Variants in PTK7 observed in about 807,000 individuals in gnomAD.
PTK7 encodes the protein inactive tyrosine-protein kinase 7.
A neutral mutation model predicts 116.6 loss-of-function variants in PTK7; 39 were observed. That is an observed-to-expected ratio of 0.33 (90% confidence interval 0.26 to 0.44). The LOEUF (loss-of-function observed/expected upper bound fraction) is 0.44, where lower values mean the gene tolerates loss of function less well. Among genes scored for constraint, PTK7 ranks in the 20% least tolerant of loss-of-function variants. The probability of loss-of-function intolerance (pLI) is 1.00; values close to 1 mark genes in which losing one functional copy is unlikely to be tolerated. For missense variants in PTK7, 1,169 were observed against 1,425.6 expected (o/e 0.82, Z 2.90); for synonymous variants, 546 against 563.6 (o/e 0.97, Z 0.44).
At chr6:43,107,719 C>CCAGG (rs139873572) in intron 1 of PTK7, among the ~76,000 whole-genome samples, 166 of 152,316 alleles carry the variant, frequency 1.1e-3, no homozygotes, top group African/African-American at 3.5e-3. Context: ...TAATTGCCTA[C>CCAGG]CAGGATCCCA....
At chr6:43,080,211 G>T (rs1344881538) in intron 1 of PTK7, among the ~76,000 whole-genome samples, 1 of 151,964 alleles carries the variant, frequency 6.6e-6, no homozygotes, top group Non-Finnish European at 1.5e-5. Flanking sequence ...AATTAGCCAG[G>T]CGTGGTGGCA....
intron 1 of PTK7, among the ~76,000 whole-genome samples, chr6:43,097,020 T>G (rs1256837533): frequency 1.6e-5 from 1 of 63,098 alleles, no homozygotes; most frequent in Non-Finnish European, 3.2e-5. Context: ...GCCTTGGGCA[T>G]AGGCCAGCTA....
chr6:43,112,940 C>T (rs1768272850), intron 1 of PTK7, among the ~76,000 whole-genome samples: 1 of 152,136 alleles, frequency 6.6e-6, no homozygotes, highest in African/African-American at 2.4e-5. Flanking sequence ...GTGATCCTCT[C>T]GCCTCAGCCT....
intron 1 of PTK7, among the ~76,000 whole-genome samples, chr6:43,080,619 G>T (rs1766323003): frequency 6.6e-6 from 1 of 152,016 alleles, no homozygotes; most frequent in African/African-American, 2.4e-5. Context: ...TCTATAAAGG[G>T]ACATCCTAGA....
chr6:43,079,533 C>T (rs1407748798), intron 1 of PTK7, among the ~76,000 whole-genome samples: 1 of 151,788 alleles, frequency 6.6e-6, no homozygotes, highest in African/African-American at 2.4e-5. Context: ...GTGCTCAAGT[C>T]TCTTATATAA....
rs1770284295 is a variant in PTK7 at position 43,139,890 on chromosome 6, G to A, written c.1618+365G>A. Among the ~76,000 whole-genome samples, 1 of 152,146 alleles carries A rather than the reference G, an allele frequency of 6.6e-6. No individual in the cohort carries two copies. The highest frequency in any genetic ancestry group is 1.5e-5 in the Non-Finnish European group (1 of 68,028). On this transcript the variant is annotated intron_variant, in intron 10 of 19. Coordinates refer to ENST00000230419, the MANE Select transcript of PTK7 (RefSeq NM_002821.5). This position sits in a 1 kb window ranked among gnomAD's most constrained non-coding sequence, Gnocchi z 4.6. ...ACACTTTGGGAAGCCGAGATGGGTG[G>A]GTCACTTGAGGCCAGGAGTTTGAGA...
intron 1 of PTK7, among the ~76,000 whole-genome samples, chr6:43,110,551 A>G (rs1768143357): frequency 6.6e-6 from 1 of 151,986 alleles, no homozygotes; most frequent in Non-Finnish European, 1.5e-5. Context: ...AGCTGGGATT[A>G]CAGGCATGTG....
At position 43,143,748 on chromosome 6, in the gene PTK7, G is replaced by T; in HGVS notation, c.2251+128G>T. 9.9e-7 allele frequency: 1 copy of T among 1,007,470 alleles called. No homozygotes were observed. The allele number at this position is 1,007,470 out of a possible 1,614,324, so 62.4% of individuals were successfully genotyped here. On this transcript the variant is annotated intron_variant, in intron 14 of 19. Coordinates refer to ENST00000230419, the MANE Select transcript of PTK7 (RefSeq NM_002821.5). The surrounding 1 kb of genome is among the most constrained non-coding windows in gnomAD (Gnocchi z 4.2). ...GTTGCTGGGTCCTGGAGCTGGGACT[G>T]CCCCACCCCTAGCGGGAAGCCTGGA...
intron 13 of PTK7, chr6:43,142,516 TG>T: frequency 3.9e-6 from 3 of 763,576 alleles, no homozygotes; most frequent in Non-Finnish European, 6.7e-6. Flanking sequence ...TGTGTGTGTG[TG>T]TGTTGTGGGG....
At chr6:43,090,640 C>A (rs1766894712) in intron 1 of PTK7, among the ~76,000 whole-genome samples, 1 of 152,146 alleles carries the variant, frequency 6.6e-6, no homozygotes, top group Non-Finnish European at 1.5e-5. Flanking sequence ...CCTCCTGCTC[C>A]CCCAGGAAGT....
At chr6:43,082,726 T>G (rs1194283871) in intron 1 of PTK7, among the ~76,000 whole-genome samples, 1 of 152,236 alleles carries the variant, frequency 6.6e-6, no homozygotes, top group Non-Finnish European at 1.5e-5. Context: ...GAATTAGATT[T>G]TGTCAAGAAA....
rs3805943 is a variant in PTK7, at chr6:43,077,877, C to G, written c.79+1310C>G. On this transcript the variant is annotated intron_variant, in intron 1 of 19. Transcript: ENST00000230419. ...AATGTAACCCAGGAAAGAGACCAATCTCCAGGGATTTGGAGGAGGTGTTTC... is the reference window on the plus strand; with the variant it reads ...AATGTAACCCAGGAAAGAGACCAATGTCCAGGGATTTGGAGGAGGTGTTTC... Among the ~76,000 whole-genome samples the G allele has an allele frequency of 6.6e-5, 10 of 152,392 alleles. No individual in the cohort carries two copies. In the East Asian group the frequency reaches 1.7e-3, roughly 26 times the overall value.
intron 1 of PTK7, among the ~76,000 whole-genome samples, chr6:43,118,619 A>ACC (rs1768709173): frequency 6.8e-5 from 3 of 43,932 alleles, no homozygotes; most frequent in African/African-American, 2.5e-4. Context: ...GAATATTTTA[A>ACC]CCTCTCTCTC....
chr6:43,142,363 C>CTCAG (rs761896908), intron 13 of PTK7, 64 bp downstream of exon 13: 2 of 1,610,490 alleles, frequency 1.2e-6, no homozygotes, highest in African/African-American at 2.7e-5. Context: ...TCACCTTGTA[C>CTCAG]TCAGCCCCTG....
chr6:43,132,719 G>C (rs1582164564), intron 7 of PTK7, 32 bp downstream of exon 7: 1 of 1,552,424 alleles, frequency 6.4e-7, no homozygotes, highest in East Asian at 2.4e-5. Context: ...GTCAAGGAGA[G>C]GTGGAGGGGA....
At chr6:43,116,604 T>TTTTGTG (rs1768538200) in intron 1 of PTK7, among the ~76,000 whole-genome samples, 1 of 119,086 alleles carries the variant, frequency 8.4e-6, no homozygotes, top group Admixed American at 8.2e-5. Context: ...AAAAGCTGGT[T>TTTTGTG]TGTGTGTGTG....
At chr6:43,126,417 G>T (rs1024834714) in intron 1 of PTK7, among the ~76,000 whole-genome samples, 3 of 152,184 alleles carry the variant, frequency 2.0e-5, no homozygotes, top group Non-Finnish European at 4.4e-5. Flanking sequence ...GTCATGAGAG[G>T]TGCTCCAGAA....
chr6:43,152,083 G>A (rs1447892230), intron 17 of PTK7, among the ~76,000 whole-genome samples: 2 of 151,194 alleles, frequency 1.3e-5, no homozygotes, highest in Admixed American at 6.6e-5. Flanking sequence ...TCCTGACCTT[G>A]TGATCCACCC....
chr6:43,157,350 AT>A lies in PTK7; in HGVS notation c.2722-1466del, dbSNP rs1561990242. Among the ~76,000 whole-genome samples the A allele has an allele frequency of 2.6e-3, 14 of 5,454 alleles. 1 individual carries two copies. The highest frequency in any genetic ancestry group is 5.4e-3 in the African/African-American group (13 of 2,394). The allele number at this position is 5,454 out of a possible 152,430, so 3.6% of individuals were successfully genotyped here. A position where few individuals can be genotyped will look rare whatever the true frequency, so the allele number is the denominator to read the frequency against. ...GCTATATATATATATATATATATAT[AT>A]ATATATATATATATTTTTTTTTTTC... On this transcript the variant is annotated intron_variant, in intron 17 of 19. Coordinates refer to ENST00000230419, the MANE Select transcript of PTK7 (RefSeq NM_002821.5).
Sources: gnomAD v4.1 joint callset for allele counts (sites outside exome capture counted in the v4.1 genomes callset) on GRCh38, gnomAD v4.1.1 for gene constraint, Gnocchi (gnomAD v3.1) non-coding constraint, MANE v1.5 for transcripts, NCBI Gene and HGNC (gene_info 2026-07-23, HGNC 2026-07-21) for gene names.